The following KCNQ3 variants were observed in gnomAD, a reference collection of about 807,000 sequenced individuals.
KCNQ3 encodes the protein potassium voltage-gated channel subfamily KQT member 3.
In KCNQ3, 30 loss-of-function variants were observed where a neutral mutation model predicts 92.5. That is an observed-to-expected ratio of 0.32 (90% CI 0.24 to 0.44). KCNQ3 has a LOEUF of 0.44. Ranked by LOEUF, KCNQ3 falls within the 20% of genes least tolerant of loss-of-function variation. The pLI, the probability that KCNQ3 is intolerant of heterozygous loss-of-function variation, is 1.00. For synonymous variants in KCNQ3, 450 were observed against 468.8 expected (o/e 0.96, Z 0.52); for missense variants, 913 against 1,140.3 (o/e 0.80, Z 2.87).
At chr8:132,186,929 T>TGAGAGA (rs752305044) in intron 1 of KCNQ3, among the ~76,000 whole-genome samples, 1,341 of 98,222 alleles carry the variant, frequency 0.014, 47 homozygotes, top group African/African-American at 0.024. Flanking sequence ...TGTGTGTGTG[T>TGAGAGA]GTGTGAGAGA....
At chr8:132,339,965 A>T (rs895382011) in intron 1 of KCNQ3, among the ~76,000 whole-genome samples, 3 of 152,160 alleles carry the variant, frequency 2.0e-5, no homozygotes, top group Non-Finnish European at 4.4e-5. Context: ...ACATAAAAAA[A>T]AAAAAAGCTC....
intron 9 of KCNQ3, among the ~76,000 whole-genome samples, chr8:132,154,503 T>C (rs1579644): frequency 0.84 from 127,961 of 152,004 alleles, 54,158 homozygotes; most frequent in Middle Eastern, 0.9. Flanking sequence ...AAGATCTGTC[T>C]TCATCCTTAT....
chr8:132,295,299 A>T (rs1192971006), intron 1 of KCNQ3, among the ~76,000 whole-genome samples: 1 of 152,210 alleles, frequency 6.6e-6, no homozygotes, highest in East Asian at 1.9e-4. Flanking sequence ...AACATCACTG[A>T]TAATTAGAGA....
chr8:132,136,629 C>A (rs1164087758), intron 12 of KCNQ3, among the ~76,000 whole-genome samples: 2 of 152,038 alleles, frequency 1.3e-5, no homozygotes, highest in Non-Finnish European at 2.9e-5. Context: ...TCATATCATA[C>A]CTATATATTA....
chr8:132,396,100 C>A (rs747129152), intron 1 of KCNQ3, among the ~76,000 whole-genome samples: 9 of 152,186 alleles, frequency 5.9e-5, no homozygotes, highest in African/African-American at 1.9e-4. Flanking sequence ...GAGGAGATGG[C>A]GCAGGAGAGG....
At chr8:132,166,966 T>C (rs1362117594) in intron 8 of KCNQ3, among the ~76,000 whole-genome samples, 2 of 152,176 alleles carry the variant, frequency 1.3e-5, no homozygotes, top group African/African-American at 4.8e-5. Flanking sequence ...GTCCATAGAA[T>C]GTGTATGTGA....
intron 1 of KCNQ3, among the ~76,000 whole-genome samples, chr8:132,191,877 C>T (rs1225814730): frequency 6.6e-6 from 1 of 151,736 alleles, no homozygotes; most frequent in Non-Finnish European, 1.5e-5. Context: ...TGGGAGGGGT[C>T]TTGGGGTGGG....
intron 1 of KCNQ3, among the ~76,000 whole-genome samples, chr8:132,468,660 T>A (rs1563922172): frequency 6.6e-6 from 1 of 152,240 alleles, no homozygotes; most frequent in Admixed American, 6.5e-5. Flanking sequence ...TAGTTATTAC[T>A]AATATGCTGG....
intron 9 of KCNQ3, among the ~76,000 whole-genome samples, chr8:132,157,656 A>AT (rs1254815821): frequency 2.7e-5 from 4 of 149,902 alleles, no homozygotes; most frequent in African/African-American, 9.8e-5. Flanking sequence ...ATTTTATTTT[A>AT]TTTTTTTATT....
intron 9 of KCNQ3, among the ~76,000 whole-genome samples, chr8:132,154,291 G>A (rs764157914): frequency 2.9e-4 from 40 of 139,102 alleles, no homozygotes; most frequent in South Asian, 1.4e-3. Flanking sequence ...TTTTTGAGCT[G>A]TCCTTACCAC....
At chr8:132,368,810 A>T (rs1819393547) in intron 1 of KCNQ3, among the ~76,000 whole-genome samples, 1 of 152,142 alleles carries the variant, frequency 6.6e-6, no homozygotes, top group Non-Finnish European at 1.5e-5. Context: ...TATATCCACA[A>T]CCAGTTTCTG....
chr8:132,287,881 C>T (rs1311003924), intron 1 of KCNQ3, among the ~76,000 whole-genome samples: 1 of 152,082 alleles, frequency 6.6e-6, no homozygotes, highest in Non-Finnish European at 1.5e-5. Flanking sequence ...GGTTGCACAA[C>T]ATTATGCATG....
intron 5 of KCNQ3, 32 bp from the exon 6 acceptor site, chr8:132,174,381 C>A: frequency 1.4e-6 from 2 of 1,465,174 alleles, no homozygotes; most frequent in Non-Finnish European, 1.9e-6. Context: ...CATGGAGTAC[C>A]ACATGGAGAG....
intron 1 of KCNQ3, among the ~76,000 whole-genome samples, chr8:132,270,783 A>C (rs1816123792): frequency 1.3e-5 from 2 of 152,240 alleles, no homozygotes; most frequent in African/African-American, 4.8e-5. Flanking sequence ...CAATTTGCCA[A>C]CCCTTAGACT....
intron 11 of KCNQ3, among the ~76,000 whole-genome samples, chr8:132,139,612 G>T (rs1825218301): frequency 6.6e-6 from 1 of 152,088 alleles, no homozygotes; most frequent in Non-Finnish European, 1.5e-5. Flanking sequence ...AATGGATTAT[G>T]GTCTCTGCTG....
At chr8:132,264,735 C>A (rs181667790) in intron 1 of KCNQ3, among the ~76,000 whole-genome samples, 1 of 152,142 alleles carries the variant, frequency 6.6e-6, no homozygotes. Flanking sequence ...AGTGGAACAG[C>A]CTTGGGTAAG....
rs144768392 is a variant in KCNQ3 at position 132,361,566 on chromosome 8, G to A, written c.386+118581C>T. On this transcript the variant is annotated intron_variant, in intron 1 of 14. Coordinates refer to ENST00000388996, the MANE Select transcript of KCNQ3 (RefSeq NM_004519.4). ...GTTTGTGAGAAATCTTCCTCATAAA[G>A]TAAAAGGATCTAAACAGAACACTCA... 4.4e-3 allele frequency among the ~76,000 whole-genome samples: 674 copies of A among 152,032 alleles called. 3 individuals are homozygous for A. The highest frequency in any genetic ancestry group is 0.015 in the African/African-American group (618 of 41,486).
chr8:132,247,609 A>G (rs1466097714), intron 1 of KCNQ3, among the ~76,000 whole-genome samples: 1 of 152,094 alleles, frequency 6.6e-6, no homozygotes, highest in Non-Finnish European at 1.5e-5. Flanking sequence ...CAGCTGGCCA[A>G]GATGGTGAAA....
At chr8:132,334,900 T>C (rs1357125164) in intron 1 of KCNQ3, among the ~76,000 whole-genome samples, 1 of 152,186 alleles carries the variant, frequency 6.6e-6, no homozygotes, top group Non-Finnish European at 1.5e-5. Flanking sequence ...CACTTCTGAC[T>C]TCTCTCTGTC....
Sources: gnomAD v4.1 joint callset for allele counts (sites outside exome capture counted in the v4.1 genomes callset) on GRCh38, gnomAD v4.1.1 for gene constraint, MANE v1.5 for transcripts, NCBI Gene and HGNC (gene_info 2026-07-23, HGNC 2026-07-21) for gene names.